The following ZEB1 variants were observed in gnomAD, a reference collection of about 807,000 sequenced individuals.
The protein encoded by ZEB1 is zinc finger E-box-binding homeobox 1.
In ZEB1, 21 loss-of-function variants were observed where a neutral mutation model predicts 84.9. That is an observed-to-expected ratio of 0.25 (90% CI 0.18 to 0.36). ZEB1 has a LOEUF of 0.36. ZEB1 is among the 10% of genes least tolerant of loss of function. The pLI, the probability that ZEB1 is intolerant of heterozygous loss-of-function variation, is 1.00. For missense variants in ZEB1, 1,104 were observed against 1,330.2 expected (o/e 0.83, Z 2.65); for synonymous variants, 420 against 471.1 (o/e 0.89, Z 1.41).
At chr10:31,444,512 G>A (rs1380349293) in intron 1 of ZEB1, among the ~76,000 whole-genome samples, 1 of 151,268 alleles carries the variant, frequency 6.6e-6, no homozygotes, top group African/African-American at 2.4e-5. Flanking sequence ...GAATGGTAAT[G>A]CCTAGGTTTT....
At chr10:31,483,806 A>G (rs1241534907) in intron 2 of ZEB1, among the ~76,000 whole-genome samples, 2 of 152,040 alleles carry the variant, frequency 1.3e-5, no homozygotes, top group African/African-American at 4.8e-5. Flanking sequence ...ACAAATGACA[A>G]CACACTTACG....
Position 31,499,934 on chromosome 10 carries a change from G to T in ZEB1, c.323-2414G>T, listed in dbSNP as rs541164441. On this transcript the variant is annotated intron_variant, in intron 3 of 8. Transcript: ENST00000424869. Reference sequence around the variant, plus strand: ...ATGTGTATATTTAGACCTAATCAATGTATAGGAAAGCTAGAATTTATTGAA... The same window carrying T: ...ATGTGTATATTTAGACCTAATCAATTTATAGGAAAGCTAGAATTTATTGAA... Among the ~76,000 whole-genome samples, 11 of 152,086 alleles carry T rather than the reference G, an allele frequency of 7.2e-5. No homozygotes were observed. In the South Asian group the frequency reaches 1.9e-3, roughly 26 times the overall value.
intron 7 of ZEB1, 104 bp downstream of exon 7, chr10:31,522,040 AT>A: frequency 1.3e-6 from 2 of 1,501,560 alleles, no homozygotes; most frequent in Non-Finnish European, 1.8e-6. Context: ...CAACTAGATT[AT>A]TACAAACTGT....
intron 2 of ZEB1, among the ~76,000 whole-genome samples, chr10:31,483,846 G>T (rs2065382445): frequency 6.6e-6 from 1 of 151,868 alleles, no homozygotes; most frequent in South Asian, 2.1e-4. Context: ...ACTTTCTTTT[G>T]GCTCTGTGGG....
At chr10:31,412,906 G>A (rs2054565608) in intron 1 of ZEB1, among the ~76,000 whole-genome samples, 1 of 152,186 alleles carries the variant, frequency 6.6e-6, no homozygotes. Context: ...CTAACTGAGA[G>A]AGAGAGGCCC....
intron 1 of ZEB1, among the ~76,000 whole-genome samples, chr10:31,357,968 T>C (rs1048164560): frequency 6.6e-6 from 1 of 152,174 alleles, no homozygotes; most frequent in Admixed American, 6.5e-5. Flanking sequence ...AAACTTCTCT[T>C]GGCGTTCTCA....
Position 31,362,387 on chromosome 10 carries a change from C to T in ZEB1, c.58+43095C>T, listed in dbSNP as rs538134845. On this transcript the variant is annotated intron_variant, in intron 1 of 8. Transcript: ENST00000424869. ...GTAGGGGGGCCGGGCAGAGGCACTC[C>T]TCGCTTCCCAGAGTGTAGGGGGGCC... Among the ~76,000 whole-genome samples, 6 of 149,352 alleles carry T rather than the reference C, an allele frequency of 4.0e-5. No individual in the cohort carries two copies. The East Asian group carries it at 1.2e-3, about 30-fold the overall frequency.
chr10:31,469,872 G>A (rs188770044), intron 2 of ZEB1, among the ~76,000 whole-genome samples: 26 of 152,294 alleles, frequency 1.7e-4, no homozygotes, highest in African/African-American at 4.1e-4. Flanking sequence ...ATCTGAGAAC[G>A]GGTAGACTGC....
rs1167140905 is a variant in ZEB1, at chr10:31,529,012, C to T, written c.*1748C>T. The T allele has an allele frequency of 1.3e-5, 2 of 152,084 alleles. No homozygotes were observed. Among genetic ancestry groups the T allele is most frequent in the African/African-American group, 4.8e-5 (2 of 41,424 alleles). The allele number at this position is 152,084 out of a possible 1,614,324, so 9.4% of individuals were successfully genotyped here. A position where few individuals can be genotyped will look rare whatever the true frequency, so the allele number is the denominator to read the frequency against. ...ATACAACTCTCATTTCCTTAGTAAG[C>T]CAAATTAGGATTAACTTCTATAAAC... On this transcript the variant is annotated 3_prime_UTR_variant, in exon 9 of 9. Transcript: ENST00000424869.
In ZEB1 at chr10:31,471,909, A is replaced by T. The variant is rs545156013; in HGVS notation, c.259+10672A>T. 3.4e-3 allele frequency among the ~76,000 whole-genome samples: 484 copies of T among 142,544 alleles called. 31 individuals are homozygous for T. Among genetic ancestry groups the T allele is most frequent in the African/African-American group, 0.014 (451 of 32,714 alleles). The allele number at this position is 142,544 out of a possible 152,430, so 93.5% of individuals were successfully genotyped here. On this transcript the variant is annotated intron_variant, in intron 2 of 8. Coordinates refer to ENST00000424869, the MANE Select transcript of ZEB1 (RefSeq NM_001174096.2). ...ACTAGAACTCAGGATTAAGAATCTC[A>T]CTCAAAACCACTCAACTACATGGAA...
intron 2 of ZEB1, among the ~76,000 whole-genome samples, chr10:31,470,131 G>T (rs1228786093): frequency 6.6e-6 from 1 of 151,726 alleles, no homozygotes; most frequent in South Asian, 2.1e-4. Context: ...AACAGAAAAA[G>T]TGGAAACTCT....
intron 2 of ZEB1, among the ~76,000 whole-genome samples, chr10:31,480,266 G>T (rs1369449592): frequency 6.6e-6 from 1 of 151,970 alleles, no homozygotes; most frequent in Non-Finnish European, 1.5e-5. Context: ...TGTTAAAAAT[G>T]TTTAAAACTC....
intron 1 of ZEB1, among the ~76,000 whole-genome samples, chr10:31,400,920 A>T (rs1321377277): frequency 2.6e-5 from 4 of 152,194 alleles, no homozygotes; most frequent in African/African-American, 9.7e-5. Flanking sequence ...AAATTTTCTC[A>T]ATTATGACAT....
chr10:31,413,034 A>G (rs766451343), intron 1 of ZEB1, among the ~76,000 whole-genome samples: 1 of 152,192 alleles, frequency 6.6e-6, no homozygotes, highest in Non-Finnish European at 1.5e-5. Flanking sequence ...AATGATTTTC[A>G]TTTATCTTAA....
intron 2 of ZEB1, 46 bp from the exon 3 acceptor site, chr10:31,495,730 T>C: frequency 6.2e-7 from 1 of 1,601,322 alleles, no homozygotes; most frequent in Non-Finnish European, 8.6e-7. Context: ...CTTTCGTTTG[T>C]ATTAGGAACA....
At chr10:31,320,430 G>T (rs1007645158) in intron 1 of ZEB1, 1 of 151,454 alleles carries the variant, frequency 6.6e-6, no homozygotes, top group Non-Finnish European at 1.5e-5. Flanking sequence ...GACGCACGGA[G>T]CGCTGAAGCC....
chr10:31,455,934 G>A (rs966867177), intron 1 of ZEB1, among the ~76,000 whole-genome samples: 3 of 152,110 alleles, frequency 2.0e-5, no homozygotes, highest in Non-Finnish European at 2.9e-5. Context: ...TATAAATCAT[G>A]CTGCTATAAA....
At chr10:31,366,691 G>T (rs2044569069) in intron 1 of ZEB1, among the ~76,000 whole-genome samples, 1 of 152,086 alleles carries the variant, frequency 6.6e-6, no homozygotes, top group African/African-American at 2.4e-5. Flanking sequence ...TGTTTTCTTT[G>T]ACCTGAAATG....
chr10:31,476,285 C>G (rs981489401), intron 2 of ZEB1, among the ~76,000 whole-genome samples: 4 of 151,868 alleles, frequency 2.6e-5, no homozygotes, highest in African/African-American at 9.7e-5. Context: ...GACAGTATTG[C>G]TGATACAACA....
Sources: gnomAD v4.1 joint callset for allele counts (sites outside exome capture counted in the v4.1 genomes callset) on GRCh38, gnomAD v4.1.1 for gene constraint, MANE v1.5 for transcripts, NCBI Gene and HGNC (gene_info 2026-07-23, HGNC 2026-07-21) for gene names.